NKAIN2: variants seen among roughly 807,000 people sequenced by gnomAD.
NKAIN2 encodes sodium/potassium transporting ATPase interacting 2, also known as sodium/potassium-transporting ATPase subunit beta-1-interacting protein 2.
A neutral mutation model predicts 32.6 loss-of-function variants in NKAIN2; 14 were observed. The ratio of observed to expected loss-of-function variants is 0.43; its 90% confidence interval spans 0.28 to 0.67. The LOEUF is 0.67. NKAIN2 is among the 30% of genes least tolerant of loss of function. The pLI is 0.17. For missense variants in NKAIN2, 198 were observed against 258.3 expected (o/e 0.77, Z 1.60); for synonymous variants, 80 against 87.2 (o/e 0.92, Z 0.46).
chr6:124,409,070 C>T (rs1410452185), intron 3 of NKAIN2, among the ~76,000 whole-genome samples: 3 of 152,184 alleles, frequency 2.0e-5, no homozygotes, highest in Non-Finnish European at 2.9e-5. Flanking sequence ...CTGAAGTTGC[C>T]TATCAGCTTA....
intron 1 of NKAIN2, among the ~76,000 whole-genome samples, chr6:124,050,054 A>G (rs1029206315): frequency 5.9e-5 from 9 of 151,982 alleles, no homozygotes; most frequent in African/African-American, 2.2e-4. Context: ...TGCGTGTAGT[A>G]TATATGGGGT....
intron 1 of NKAIN2, among the ~76,000 whole-genome samples, chr6:124,219,283 CTTTTT>C (rs5879720): frequency 7.8e-6 from 1 of 128,950 alleles, no homozygotes; most frequent in African/African-American, 2.8e-5. Context: ...TTCTTTTTTT[CTTTTT>C]TTTTTTTGAG....
At chr6:124,369,283 A>G (rs1799652479) in intron 3 of NKAIN2, among the ~76,000 whole-genome samples, 1 of 152,218 alleles carries the variant, frequency 6.6e-6, no homozygotes, top group African/African-American at 2.4e-5. Flanking sequence ...GTCATGTAAA[A>G]TAACAAGAAT....
At chr6:124,644,795 C>T (rs1375613671) in intron 3 of NKAIN2, among the ~76,000 whole-genome samples, 1 of 152,208 alleles carries the variant, frequency 6.6e-6, no homozygotes, top group African/African-American at 2.4e-5. Context: ...ACAAAGCATA[C>T]AGGAATTAAA....
chr6:124,668,167 T>C (rs774414491), intron 4 of NKAIN2, among the ~76,000 whole-genome samples: 1 of 152,186 alleles, frequency 6.6e-6, no homozygotes, highest in Non-Finnish European at 1.5e-5. Flanking sequence ...CTACGTGTAA[T>C]CTTCTAACTT....
chr6:124,071,068 G>T (rs745395392), intron 1 of NKAIN2, among the ~76,000 whole-genome samples: 1 of 152,106 alleles, frequency 6.6e-6, no homozygotes, highest in African/African-American at 2.4e-5. Context: ...TTTCTAAAAC[G>T]TGTAAAAGAT....
At chr6:124,662,303 T>TTA (rs3051841) in intron 4 of NKAIN2, among the ~76,000 whole-genome samples, 149 of 150,876 alleles carry the variant, frequency 9.9e-4, no homozygotes, top group East Asian at 2.0e-3. Flanking sequence ...AAAGAATAAT[T>TTA]TATATATATA....
chr6:124,781,242 C>G (rs1392442736), intron 4 of NKAIN2, among the ~76,000 whole-genome samples: 1 of 152,048 alleles, frequency 6.6e-6, no homozygotes, highest in Non-Finnish European at 1.5e-5. Context: ...TGAATCAAGT[C>G]CTCTCATTAT....
intron 3 of NKAIN2, among the ~76,000 whole-genome samples, chr6:124,370,856 C>T (rs1281995607): frequency 1.3e-5 from 2 of 152,018 alleles, no homozygotes; most frequent in Admixed American, 6.6e-5. Flanking sequence ...GTGACCCCCC[C>T]GGAAGGTACA....
intron 2 of NKAIN2, among the ~76,000 whole-genome samples, chr6:124,307,519 G>A (rs1027693134): frequency 4.6e-5 from 7 of 152,108 alleles, no homozygotes; most frequent in Non-Finnish European, 8.8e-5. Context: ...ATTTACGAGA[G>A]AAGAAACCAT....
intron 3 of NKAIN2, among the ~76,000 whole-genome samples, chr6:124,419,841 C>G (rs1187382442): frequency 6.6e-6 from 1 of 151,962 alleles, no homozygotes; most frequent in Non-Finnish European, 1.5e-5. Context: ...ATTGTGATGT[C>G]TTTGTAGTTA....
chr6:124,319,208 G>C (rs775776192), intron 2 of NKAIN2, among the ~76,000 whole-genome samples: 19 of 152,072 alleles, frequency 1.2e-4, no homozygotes, highest in Non-Finnish European at 2.6e-4. Flanking sequence ...TGGAAATTAT[G>C]AAAATAATAC....
Position 124,396,288 on chromosome 6 carries a change from A to G in NKAIN2, c.273+40941A>G, listed in dbSNP as rs151207694. On this transcript the variant is annotated intron_variant, in intron 3 of 6. Transcript: ENST00000368417. The stretch of plus-strand genomic sequence containing the variant: ...TTGTTACTATTAGAATAGAATATGA[A>G]AGGGGGAAAGATAATACCAAGATGT... Among the ~76,000 whole-genome samples the G allele has an allele frequency of 4.5e-3, 688 of 151,910 alleles. 5 individuals carry two copies. Among genetic ancestry groups the G allele is most frequent in the Middle Eastern group, 0.045 (13 of 292 alleles).
intron 1 of NKAIN2, among the ~76,000 whole-genome samples, chr6:124,027,600 TCTC>T (rs1781171203): frequency 6.6e-6 from 1 of 152,154 alleles, no homozygotes; most frequent in Admixed American, 6.5e-5. Flanking sequence ...CATCCTGTAG[TCTC>T]CTTCCTACAG....
intron 1 of NKAIN2, among the ~76,000 whole-genome samples, chr6:124,037,248 TAGA>T (rs1781642719): frequency 1.3e-5 from 2 of 152,276 alleles, no homozygotes; most frequent in South Asian, 4.1e-4. Context: ...TCATAAAATT[TAGA>T]AGATTTGGAA....
At chr6:123,946,136 G>A (rs1424080881) in intron 1 of NKAIN2, among the ~76,000 whole-genome samples, 1 of 152,128 alleles carries the variant, frequency 6.6e-6, no homozygotes, top group African/African-American at 2.4e-5. Context: ...CAACAATGCT[G>A]CTCTAGTCTG....
chr6:124,822,325 AAT>A (rs1781427029), intron 6 of NKAIN2, among the ~76,000 whole-genome samples: 1 of 152,184 alleles, frequency 6.6e-6, no homozygotes, highest in Admixed American at 6.5e-5. Context: ...ACCTGCCATA[AAT>A]ATGTCTTGTA....
At chr6:124,068,661 A>T (rs1230195861) in intron 1 of NKAIN2, among the ~76,000 whole-genome samples, 1 of 151,982 alleles carries the variant, frequency 6.6e-6, no homozygotes, top group Non-Finnish European at 1.5e-5. Flanking sequence ...GTTGGTGGAC[A>T]TGGGCAGTGT....
chr6:123,976,892 A>G (rs562890523), intron 1 of NKAIN2, among the ~76,000 whole-genome samples: 39 of 152,292 alleles, frequency 2.6e-4, no homozygotes, highest in African/African-American at 8.9e-4. Flanking sequence ...AAGATTTAGA[A>G]GAATAGGTAA....
Sources: allele counts gnomAD v4.1 joint callset (sites outside exome capture counted in the v4.1 genomes callset), GRCh38; gene constraint gnomAD v4.1.1; transcripts MANE v1.5; gene names NCBI Gene and HGNC (gene_info 2026-07-23, HGNC 2026-07-21).